LGSN: variants seen among roughly 807,000 people sequenced by gnomAD.
The protein encoded by LGSN is lengsin, lens protein with glutamine synthetase domain.
LGSN carries 21 observed loss-of-function variants against 19.5 expected under a neutral mutation model. That is an observed-to-expected ratio of 1.07 (90% CI 0.76 to 1.55). The LOEUF is 1.55. Ranked by LOEUF, LGSN falls within the 40% of genes most tolerant of loss-of-function variation. The pLI, the probability that LGSN is intolerant of heterozygous loss-of-function variation, is 0.00. For missense variants in LGSN, 673 were observed against 608.5 expected, an observed-to-expected ratio of 1.11 and a Z score of -1.12; for synonymous variants, 257 against 215.6, an observed-to-expected ratio of 1.19 and a Z score of -1.68.
the LGSN span, among the ~76,000 whole-genome samples, chr6:63,405,576 A>C: frequency 6.6e-6 from 1 of 152,124 alleles, no homozygotes; most frequent in Non-Finnish European, 1.5e-5. Context: ...GCATTTTTTC[A>C]TGTGTTTTTT....
In LGSN at chr6:63,292,210, A is replaced by G. The variant is rs115552514; in HGVS notation, c.163+2703T>C. ...AACCAGATGGCAATACCTTGACTTC[A>G]GCCTTGGAAAACCTGAAACAAGGAA... On this transcript the variant is annotated intron_variant, in intron 2 of 3. Transcript: ENST00000370657. Among the ~76,000 whole-genome samples, 447 of 152,348 alleles carry G rather than the reference A, an allele frequency of 2.9e-3. 3 individuals carry two copies. Among genetic ancestry groups the G allele is most frequent in the African/African-American group, 0.01 (423 of 41,582 alleles).
At chr6:63,542,155 A>G in the LGSN span, among the ~76,000 whole-genome samples, 3 of 152,028 alleles carry the variant, frequency 2.0e-5, no homozygotes, top group Admixed American at 1.3e-4. Context: ...TACTAGTCTA[A>G]GTGAAGTAAC....
At chr6:63,497,652 G>A in the LGSN span, among the ~76,000 whole-genome samples, 4 of 151,992 alleles carry the variant, frequency 2.6e-5, no homozygotes, top group Non-Finnish European at 5.9e-5. Flanking sequence ...AAGCAGTTGC[G>A]CTATTTTTTC....
chr6:63,550,148 G>T, the LGSN span, among the ~76,000 whole-genome samples: 1 of 152,118 alleles, frequency 6.6e-6, no homozygotes, highest in African/African-American at 2.4e-5. Context: ...ACTGAGAAAT[G>T]TGAGCCAAAC....
At chr6:63,520,670 T>TAAATAAAA in the LGSN span, among the ~76,000 whole-genome samples, 11 of 138,812 alleles carry the variant, frequency 7.9e-5, no homozygotes, top group African/African-American at 1.9e-4. Context: ...AATAAATAAA[T>TAAATAAAA]AAAATGAAAA....
At chr6:63,317,354 C>T (rs1562021538) in intron 1 of LGSN, among the ~76,000 whole-genome samples, 1 of 152,180 alleles carries the variant, frequency 6.6e-6, no homozygotes, top group Non-Finnish European at 1.5e-5. Flanking sequence ...CCCCATGTCA[C>T]ACAGCTAGTA....
intron 1 of LGSN, among the ~76,000 whole-genome samples, chr6:63,298,073 C>T (rs1201887620): frequency 6.6e-6 from 1 of 152,142 alleles, no homozygotes; most frequent in African/African-American, 2.4e-5. Context: ...TTGAATTGTT[C>T]TTTAACTGAG....
chr6:63,351,550 C>T, the LGSN span, among the ~76,000 whole-genome samples: 1 of 151,978 alleles, frequency 6.6e-6, no homozygotes. Context: ...CCTCTGCCTC[C>T]CAGGTTCAAG....
the LGSN span, among the ~76,000 whole-genome samples, chr6:63,487,127 G>A: frequency 1.3e-5 from 2 of 151,714 alleles, no homozygotes; most frequent in African/African-American, 4.8e-5. Context: ...GAGCCACCGT[G>A]CCTGGCCTGT....
At chr6:63,460,928 A>G in the LGSN span, among the ~76,000 whole-genome samples, 1 of 152,188 alleles carries the variant, frequency 6.6e-6, no homozygotes, top group Non-Finnish European at 1.5e-5. Context: ...CAAAATGTGT[A>G]TAGTACCACA....
At chr6:63,438,790 G>T in the LGSN span, among the ~76,000 whole-genome samples, 3 of 152,224 alleles carry the variant, frequency 2.0e-5, no homozygotes, top group Non-Finnish European at 2.9e-5. Flanking sequence ...GTGGAATTCA[G>T]TGTAGCAATT....
the LGSN span, among the ~76,000 whole-genome samples, chr6:63,357,308 T>A: frequency 6.6e-6 from 1 of 152,324 alleles, no homozygotes; most frequent in East Asian, 1.9e-4. Flanking sequence ...TGCATGTGTC[T>A]TTATAGCAGC....
chr6:63,476,338 T>C, the LGSN span, among the ~76,000 whole-genome samples: 9 of 152,230 alleles, frequency 5.9e-5, no homozygotes, highest in Non-Finnish European at 1.2e-4. Flanking sequence ...GACTGTTCGA[T>C]TAACTCTTGT....
At chr6:63,498,847 C>A in the LGSN span, among the ~76,000 whole-genome samples, 1 of 152,140 alleles carries the variant, frequency 6.6e-6, no homozygotes, top group Admixed American at 6.5e-5. Flanking sequence ...GCAGGGAAGA[C>A]TATAGGGTAA....
the LGSN span, among the ~76,000 whole-genome samples, chr6:63,376,484 G>T: frequency 6.6e-6 from 1 of 152,206 alleles, no homozygotes; most frequent in Non-Finnish European, 1.5e-5. Context: ...TACTGATGCT[G>T]ACATCTAGAA....
At chr6:63,533,695 C>G in the LGSN span, among the ~76,000 whole-genome samples, 1 of 151,974 alleles carries the variant, frequency 6.6e-6, no homozygotes, top group East Asian at 1.9e-4. Flanking sequence ...GATTAGAATT[C>G]TAAATGACTT....
At chr6:63,568,823 A>G in the LGSN span, among the ~76,000 whole-genome samples, 350 of 152,328 alleles carry the variant, frequency 2.3e-3, no homozygotes, top group Non-Finnish European at 3.3e-3. Context: ...CAGCCATGGC[A>G]TACTTGAATT....
At chr6:63,514,551 T>A in the LGSN span, among the ~76,000 whole-genome samples, 1 of 152,182 alleles carries the variant, frequency 6.6e-6, no homozygotes, top group Non-Finnish European at 1.5e-5. Context: ...ATCATATATT[T>A]TTTCATTTGG....
At chr6:63,481,771 C>A in the LGSN span, 1 of 282,074 alleles carries the variant, frequency 3.5e-6, no homozygotes, top group Non-Finnish European at 7.0e-6. Flanking sequence ...TTTAAAACTT[C>A]AAAGATCATG....
Sources: allele counts gnomAD v4.1 joint callset (sites outside exome capture counted in the v4.1 genomes callset), GRCh38; gene constraint gnomAD v4.1.1; transcripts MANE v1.5; gene names NCBI Gene and HGNC (gene_info 2026-07-23, HGNC 2026-07-21).